The following ADGRB3 variants were observed in gnomAD, a reference collection of about 807,000 sequenced individuals.
The protein encoded by ADGRB3 is adhesion G protein-coupled receptor B3.
A neutral mutation model predicts 193.4 loss-of-function variants in ADGRB3; 37 were observed. The observed-to-expected ratio is 0.19, with a 90% CI of 0.15 to 0.25. The LOEUF is 0.25. Ranked by LOEUF, ADGRB3 falls within the 10% of genes least tolerant of loss-of-function variation. The pLI is 1.00. For synonymous variants in ADGRB3, 690 were observed against 644.2 expected (o/e 1.07, Z -1.08); for missense variants, 1,637 against 1,852.9 (o/e 0.88, Z 2.14).
chr6:69,219,391 A>G (rs898306172), intron 17 of ADGRB3, among the ~76,000 whole-genome samples: 10 of 148,866 alleles, frequency 6.7e-5, no homozygotes, highest in African/African-American at 2.5e-4. Flanking sequence ...TATGACAACC[A>G]TTCTTCATAA....
intron 10 of ADGRB3, among the ~76,000 whole-genome samples, chr6:68,981,208 C>G (rs1473514908): frequency 6.6e-6 from 1 of 151,460 alleles, no homozygotes; most frequent in Non-Finnish European, 1.5e-5. Context: ...TAGAGTATTG[C>G]TCTCTCTAAA....
At chr6:68,924,933 A>G (rs1273675681) in intron 3 of ADGRB3, among the ~76,000 whole-genome samples, 2 of 151,514 alleles carry the variant, frequency 1.3e-5, no homozygotes, top group Non-Finnish European at 2.9e-5. Context: ...TTTATTATAT[A>G]ACTGTCATTA....
intron 20 of ADGRB3, among the ~76,000 whole-genome samples, chr6:69,294,760 G>GT (rs894978970): frequency 3.7e-4 from 56 of 151,900 alleles, no homozygotes; most frequent in African/African-American, 1.0e-3. Flanking sequence ...ATTCCTAGTT[G>GT]TTTTTTTTGT....
chr6:68,760,133 C>T (rs2127350762), intron 3 of ADGRB3, among the ~76,000 whole-genome samples: 1 of 152,274 alleles, frequency 6.6e-6, no homozygotes, highest in Admixed American at 6.5e-5. Flanking sequence ...GTATAATTTA[C>T]ATTATGGTCA....
chr6:69,297,370 C>CTCTCTT (rs1554192073), intron 20 of ADGRB3, among the ~76,000 whole-genome samples: 2,602 of 103,422 alleles, frequency 0.025, 32 homozygotes, highest in African/African-American at 0.084. Context: ...CTCTCTCTTT[C>CTCTCTT]TCTCTCTCTC....
intron 5 of ADGRB3, among the ~76,000 whole-genome samples, chr6:68,937,918 A>G (rs943949771): frequency 6.6e-6 from 1 of 152,192 alleles, no homozygotes; most frequent in Non-Finnish European, 1.5e-5. Flanking sequence ...ATTTTACATT[A>G]TATGCTTTTT....
intron 11 of ADGRB3, among the ~76,000 whole-genome samples, chr6:69,008,365 T>G (rs893923998): frequency 6.6e-6 from 1 of 152,156 alleles, no homozygotes; most frequent in East Asian, 1.9e-4. Context: ...GAAATACATT[T>G]CTGCTTAAGT....
Position 68,639,076 on chromosome 6 carries a change from T to G in ADGRB3, c.401T>G (p.Phe134Cys), listed in dbSNP as rs1421292386. The G allele has an allele frequency of 2.5e-6, 4 of 1,614,144 alleles. No homozygotes were observed. The South Asian group carries it at 4.4e-5, about 18-fold the overall frequency. Residue 134 changes from phenylalanine to cysteine, a missense_variant, in exon 3 of 32, where the codon TTT becomes TGT. Physicochemically the swap from Phe to Cys is radical, Grantham distance 205. Transcript: ENST00000370598. ...AATTTTATTCAAATACGTCGAGTATTTCCAACTAATTTCCCAGGATTACAG... is the reference window on the plus strand; with the variant it reads ...AATTTTATTCAAATACGTCGAGTATGTCCAACTAATTTCCCAGGATTACAG... ...DKNFIQIRRV[F>C]PTNFPGLQKK...
At chr6:68,808,988 T>A (rs9294809) in intron 3 of ADGRB3, among the ~76,000 whole-genome samples, 2 of 152,070 alleles carry the variant, frequency 1.3e-5, no homozygotes, top group Non-Finnish European at 2.9e-5. Context: ...AGATGAATTT[T>A]GTGCCCCCTG....
At chr6:69,057,427 A>G (rs1771575927) in intron 15 of ADGRB3, among the ~76,000 whole-genome samples, 1 of 151,904 alleles carries the variant, frequency 6.6e-6, no homozygotes, top group African/African-American at 2.4e-5. Flanking sequence ...TGTTTGTAGG[A>G]CTTCTAGTAC....
At chr6:69,037,710 C>G (rs1770914978) in intron 13 of ADGRB3, among the ~76,000 whole-genome samples, 1 of 151,996 alleles carries the variant, frequency 6.6e-6, no homozygotes, top group South Asian at 2.1e-4. Flanking sequence ...TTGGTGGTAT[C>G]TTTCCCTATT....
rs188435751 is a variant in ADGRB3, at chr6:69,309,632, T to A, written c.2815-15240T>A. Among the ~76,000 whole-genome samples, 38 of 151,774 alleles carry A rather than the reference T, an allele frequency of 2.5e-4. 1 individual carries two copies. The highest frequency in any genetic ancestry group is 8.7e-4 in the African/African-American group (36 of 41,472). ...ATTAACTTGATTTTAAAGTATTCAGTTATTTATATGGTATTTGGTTCATTT... is the reference window on the plus strand; with the variant it reads ...ATTAACTTGATTTTAAAGTATTCAGATATTTATATGGTATTTGGTTCATTT... On this transcript the variant is annotated intron_variant, in intron 20 of 31. Coordinates refer to ENST00000370598, the MANE Select transcript of ADGRB3 (RefSeq NM_001704.3).
chr6:69,069,161 A>T (rs1429047054), intron 16 of ADGRB3, among the ~76,000 whole-genome samples: 1 of 152,114 alleles, frequency 6.6e-6, no homozygotes, highest in Non-Finnish European at 1.5e-5. Context: ...AAAATATGGA[A>T]CAGTACTTAT....
rs562940965 is a variant in ADGRB3 at position 69,034,990 on chromosome 6, A to G, written c.2108-13195A>G. On this transcript the variant is annotated intron_variant, in intron 13 of 31. Coordinates refer to ENST00000370598, the MANE Select transcript of ADGRB3 (RefSeq NM_001704.3). Reference sequence around the variant, plus strand: ...TGAACTTTAGTGTCCTTAATAGTCTATTGCTTCATATGGGAAAGACATGAT... The same window carrying G: ...TGAACTTTAGTGTCCTTAATAGTCTGTTGCTTCATATGGGAAAGACATGAT... Among the ~76,000 whole-genome samples the G allele has an allele frequency of 4.6e-5, 7 of 152,152 alleles. 1 individual carries two copies. In the East Asian group the frequency reaches 1.2e-3, roughly 25 times the overall value.
At chr6:68,717,066 A>T (rs1582143528) in intron 3 of ADGRB3, among the ~76,000 whole-genome samples, 1 of 151,628 alleles carries the variant, frequency 6.6e-6, no homozygotes, top group Non-Finnish European at 1.5e-5. Context: ...CTACTCAAGA[A>T]TGTTTTGTTG....
intron 11 of ADGRB3, among the ~76,000 whole-genome samples, chr6:69,007,684 C>T (rs1027039542): frequency 3.9e-5 from 3 of 77,528 alleles, no homozygotes; most frequent in African/African-American, 1.5e-4. Flanking sequence ...CTCTCTCTCT[C>T]TCTCTCTCTC....
intron 3 of ADGRB3, among the ~76,000 whole-genome samples, chr6:68,645,601 T>A (rs1253482883): frequency 6.6e-6 from 1 of 152,170 alleles, no homozygotes; most frequent in Admixed American, 6.5e-5. Context: ...CCTACTGCAA[T>A]GGAGTGTCAT....
At chr6:69,255,546 G>T (rs1017506242) in intron 20 of ADGRB3, among the ~76,000 whole-genome samples, 26 of 152,232 alleles carry the variant, frequency 1.7e-4, no homozygotes, top group African/African-American at 6.3e-4. Flanking sequence ...TTTTTGAGGG[G>T]TTGTTTGTTT....
intron 3 of ADGRB3, among the ~76,000 whole-genome samples, chr6:68,695,902 A>C (rs1415038564): frequency 6.6e-6 from 1 of 152,028 alleles, no homozygotes; most frequent in African/African-American, 2.4e-5. Context: ...GTTGTGAGGC[A>C]AAGGAGCTGG....
Sources: allele counts gnomAD v4.1 joint callset (sites outside exome capture counted in the v4.1 genomes callset), GRCh38; gene constraint gnomAD v4.1.1; transcripts MANE v1.5; gene names NCBI Gene and HGNC (gene_info 2026-07-23, HGNC 2026-07-21).